The following AKAP8 variants were observed in gnomAD, a reference collection of about 807,000 sequenced individuals.
AKAP8 encodes A-kinase anchor protein 8.
Under a neutral mutation model 67.5 loss-of-function variants are expected in AKAP8, and 24 were observed. That is an observed-to-expected ratio of 0.36 (90% confidence interval 0.26 to 0.50). The LOEUF (loss-of-function observed/expected upper bound fraction) is 0.50, where lower values mean the gene tolerates loss of function less well. AKAP8 is among the 20% of genes least tolerant of loss of function. The pLI is 0.97. For synonymous variants in AKAP8, 400 were observed against 371.1 expected, an observed-to-expected ratio of 1.08 and a Z score of -0.90; for missense variants, 971 against 955.9, an observed-to-expected ratio of 1.02 and a Z score of -0.21.
In AKAP8 at chr19:15,374,155, G is replaced by A. The variant is rs551047937; in HGVS notation, c.92-90C>T. The A allele has an allele frequency of 2.2e-4, 310 of 1,438,526 alleles. 2 individuals are homozygous for A. In the African/African-American group the frequency reaches 3.6e-3, roughly 17 times the overall value. 89.1% of individuals were successfully genotyped at this position (1,438,526 alleles called of 1,614,324 possible). A position where few individuals can be genotyped will look rare whatever the true frequency, so the allele number is the denominator to read the frequency against. ...ACCGGGGAGGGGCACCCGCTGCCAC[G>A]GAGAAGGAAAACGGGTGTGGGACCC... On this transcript the variant is annotated intron_variant, in intron 3 of 13. Coordinates refer to ENST00000269701, the MANE Select transcript of AKAP8 (RefSeq NM_005858.4).
intron 2 of AKAP8, 106 bp downstream of exon 2, chr19:15,376,870 T>G: frequency 1.2e-5 from 16 of 1,327,844 alleles, no homozygotes; most frequent in Non-Finnish European, 1.7e-5. Flanking sequence ...CAAAGTTTGC[T>G]GACCCCTGGG....
intron 11 of AKAP8, among the ~76,000 whole-genome samples, 187 bp from the exon 12 acceptor site, chr19:15,361,165 T>G (rs1423378675): frequency 6.6e-6 from 1 of 152,192 alleles, no homozygotes; most frequent in East Asian, 1.9e-4. Context: ...TTTCAGCTTT[T>G]CTGTTCCTCC....
Position 15,368,215 on chromosome 19 carries a change from G to T in AKAP8, c.1160+20C>A, listed in dbSNP as rs780167378. ...GCACGAGTCCACCTCCTCCTGTGGG[G>T]TCGTGTGCCCGCGCCTCACCTGTCG... On this transcript the variant is annotated intron_variant, in intron 9 of 13. Coordinates refer to ENST00000269701, the MANE Select transcript of AKAP8 (RefSeq NM_005858.4). 1.2e-6 allele frequency: 2 copies of T among 1,609,382 alleles called. No individual in the cohort carries two copies. The highest frequency in any genetic ancestry group is 2.2e-5 in the South Asian group (2 of 91,072).
intron 13 of AKAP8, among the ~76,000 whole-genome samples, chr19:15,358,508 G>A (rs1966914291): frequency 6.6e-6 from 1 of 151,936 alleles, no homozygotes; most frequent in South Asian, 2.1e-4. Context: ...CATAATTCCC[G>A]GTTCCCCGCT....
Position 15,355,138 on chromosome 19 carries a change from G to A in AKAP8, c.1856C>T (p.Pro619Leu). 1.2e-6 allele frequency: 2 copies of A among 1,613,412 alleles called. No individual in the cohort carries two copies. The highest frequency in any genetic ancestry group is 2.2e-5 in the South Asian group (2 of 91,078). ...PTDTAEAGSD[P>L]QAEQLLEEQV... Reference sequence around the variant, plus strand: ...CTCTTCCAGCAGCTGTTCGGCTTGAGGATCACTACCGGCCTCCGCTGTGTC... The same window carrying A: ...CTCTTCCAGCAGCTGTTCGGCTTGAAGATCACTACCGGCCTCCGCTGTGTC... The change falls in exon 14 of 14, where the codon CCT becomes CTT. Residue 619 changes from proline to leucine, a missense_variant. Physicochemically the swap from Pro to Leu is moderately conservative, Grantham distance 98. Transcript: ENST00000269701.
chr19:15,373,921 G>A lies in AKAP8; in HGVS notation c.236C>T (p.Ser79Phe), dbSNP rs1171532363. 1 of 1,613,890 alleles carries A rather than the reference G, an allele frequency of 6.2e-7. No individual in the cohort carries two copies. The highest frequency in any genetic ancestry group is 1.7e-5 in the Admixed American group (1 of 60,022). ...AAGAPAMHMA[S>F]YGPEPCTDNS... ...GTCGGTGCATGGCTCTGGGCCGTAA[G>A]AGGCCATGTGCATGGCAGGGGCCCC... is the stretch of plus-strand genomic sequence containing the variant. Residue 79 changes from serine to phenylalanine, a missense_variant, in exon 4 of 14, where the codon TCT (serine) becomes TTT (phenylalanine). Ser to Phe is a radical substitution (Grantham distance 155, BLOSUM62 -2). Around this residue, in one of 3 missense-constraint regions of AKAP8, gnomAD observed 763 missense variants for 745.4 expected, o/e 1.02. Coordinates refer to ENST00000269701, the MANE Select transcript of AKAP8 (RefSeq NM_005858.4).
In AKAP8 at chr19:15,354,552, A is replaced by T. The variant is rs2048264624; in HGVS notation, c.*363T>A. The T allele has an allele frequency of 5.3e-6, 1 of 187,762 alleles. No individual in the cohort carries two copies. The highest frequency in any genetic ancestry group is 5.8e-5 in the Admixed American group (1 of 17,130). 11.6% of individuals were successfully genotyped at this position (187,762 alleles called of 1,614,324 possible). A position where few individuals can be genotyped will look rare whatever the true frequency, so the allele number is the denominator to read the frequency against. On this transcript the variant is annotated 3_prime_UTR_variant, in exon 14 of 14. Coordinates refer to ENST00000269701, the MANE Select transcript of AKAP8 (RefSeq NM_005858.4). ...AGTATTCAGCTGTTCCCAACCAAAT[A>T]AAAAAAAAAATTAAGGAAAAAAATA...
chr19:15,378,561 G>C (rs1360276121), intron 1 of AKAP8, among the ~76,000 whole-genome samples: 2 of 152,198 alleles, frequency 1.3e-5, no homozygotes, highest in Non-Finnish European at 2.9e-5. Flanking sequence ...GACCAGGAGA[G>C]CCAGGCTGAG....
intron 10 of AKAP8, 125 bp from the exon 11 acceptor site, chr19:15,361,947 G>A: frequency 7.5e-7 from 1 of 1,339,790 alleles, no homozygotes; most frequent in East Asian, 2.4e-5. Flanking sequence ...CACGATGGCT[G>A]GAGCTCCCGG....
intron 7 of AKAP8, among the ~76,000 whole-genome samples, chr19:15,370,743 T>G (rs905360299): frequency 6.8e-6 from 1 of 147,192 alleles, no homozygotes; most frequent in Non-Finnish European, 1.5e-5. Flanking sequence ...GCAAATCCTC[T>G]GCCTCAGCCT....
Position 15,354,763 on chromosome 19 carries a change from G to C in AKAP8, c.*152C>G, listed in dbSNP as rs2048265912. On this transcript the variant is annotated 3_prime_UTR_variant, in exon 14 of 14. Coordinates refer to ENST00000269701, the MANE Select transcript of AKAP8 (RefSeq NM_005858.4). ...CGACTGCATGAGACAAGCCGTGAGA[G>C]GCACTGCTCAGGAGGAAACGCTGGG... 3 of 820,070 alleles carry C rather than the reference G, an allele frequency of 3.7e-6. No homozygotes were observed. Among genetic ancestry groups the C allele is most frequent in the Non-Finnish European group, 5.6e-6 (3 of 531,766 alleles). The allele number at this position is 820,070 out of a possible 1,614,324, so 50.8% of individuals were successfully genotyped here.
At chr19:15,360,762 ATGT>A in intron 12 of AKAP8, 83 bp downstream of exon 12, 4 of 1,477,498 alleles carry the variant, frequency 2.7e-6, no homozygotes, top group South Asian at 2.7e-5. Flanking sequence ...ACCCCTAAAG[ATGT>A]TGTTATTCCC....
intron 1 of AKAP8, chr19:15,379,358 C>T: frequency 3.4e-6 from 1 of 291,978 alleles, no homozygotes. Context: ...GAAGAGGAAG[C>T]CGGGAGTGCA....
chr19:15,355,432 C>CG (rs1298239588), intron 13 of AKAP8, 62 bp from the exon 14 acceptor site: 4 of 1,478,512 alleles, frequency 2.7e-6, no homozygotes, highest in Non-Finnish European at 3.7e-6. Flanking sequence ...CCCATGATTG[C>CG]GGGGATGTCA....
Position 15,374,614 on chromosome 19 carries a change from G to T in AKAP8, c.80C>A (p.Ala27Asp), listed in dbSNP as rs762122355. 3.7e-6 allele frequency: 6 copies of T among 1,613,404 alleles called. No homozygotes were observed. In the South Asian group the frequency reaches 5.5e-5, roughly 15 times the overall value. Residue 27 changes from alanine (A) to aspartate (D), a missense_variant, in exon 3 of 14, where the codon GCC becomes GAC. Ala to Asp is a moderately radical substitution (Grantham distance 126). Around this residue, in one of 3 missense-constraint regions of AKAP8, gnomAD observed 763 missense variants for 745.4 expected, o/e 1.02. Coordinates refer to ENST00000269701, the MANE Select transcript of AKAP8 (RefSeq NM_005858.4). ...NTQGAYGTGV[A>D]SWQGYENYNY... ...ACAGAAGGGCTTACCTTGCCAGCTG[G>T]CCACACCAGTTCCATATGCACCTTA...
At chr19:15,362,398 C>CTCCCTCTCTTTCCACGGTCTCCCTG (rs1966983916) in intron 9 of AKAP8, 147 bp from the exon 10 acceptor site, 1 of 448,430 alleles carries the variant, frequency 2.2e-6, no homozygotes. Context: ...CGGTCTCCCT[C>CTCCCTCTCTTTCCACGGTCTCCCTG]TGATGCCGAG....
intron 9 of AKAP8, among the ~76,000 whole-genome samples, chr19:15,366,154 G>GAA (rs374068497): frequency 8.6e-4 from 82 of 95,020 alleles, no homozygotes; most frequent in South Asian, 6.3e-3. Context: ...AAAGCAAAAA[G>GAA]AAAAAAAAAA....
At position 15,354,848 on chromosome 19, in the gene AKAP8, C is replaced by G; in HGVS notation, c.*67G>C. ...GGAGCACACGCCCTTGTACTGCTTA[C>G]AAACCAAGGGAGAAAGACCAACGCA... On this transcript the variant is annotated 3_prime_UTR_variant, in exon 14 of 14. Coordinates refer to ENST00000269701, the MANE Select transcript of AKAP8 (RefSeq NM_005858.4). 3.8e-6 allele frequency: 6 copies of G among 1,573,118 alleles called. No homozygotes were observed. Among genetic ancestry groups the G allele is most frequent in the Non-Finnish European group, 5.2e-6 (6 of 1,157,030 alleles).
In AKAP8 at chr19:15,355,210, G is replaced by C; in HGVS notation, c.1784C>G (p.Pro595Arg). 6.2e-7 allele frequency: 1 copy of C among 1,611,382 alleles called. No individual in the cohort carries two copies. The highest frequency in any genetic ancestry group is 1.1e-5 in the South Asian group (1 of 91,084). ...AVRAVDGEGA[P>R]APESSGEPAE... ...CGGCTCCCCGCTGCTCTCTGGAGCG[G>C]GCGCTCCTTCCCCATCTACGGCCCT... Residue 595 changes from proline (P) to arginine (R), a missense_variant, in exon 14 of 14, where the codon CCC becomes CGC. Physicochemically the swap from Pro to Arg is moderately radical, Grantham distance 103 (BLOSUM62 -2). Around this residue, in one of 3 missense-constraint regions of AKAP8, gnomAD observed 204 missense variants for 193.0 expected, o/e 1.06. Transcript: ENST00000269701.
Sources: allele counts gnomAD v4.1 joint callset (sites outside exome capture counted in the v4.1 genomes callset), GRCh38; gene constraint gnomAD v4.1.1; regional missense constraint gnomAD v4.1.1; transcripts MANE v1.5; gene names NCBI Gene and HGNC (gene_info 2026-07-23, HGNC 2026-07-21).